PTPRC: variants seen among roughly 807,000 people sequenced by gnomAD.
PTPRC encodes receptor-type tyrosine-protein phosphatase C.
A neutral mutation model predicts 155.9 loss-of-function variants in PTPRC; 44 were observed. The observed-to-expected ratio is 0.28, with a 90% CI of 0.22 to 0.36. The LOEUF is 0.36. PTPRC is among the 10% of genes least tolerant of loss of function. The pLI is 1.00. For missense variants in PTPRC, 1,401 were observed against 1,564.6 expected, an observed-to-expected ratio of 0.90 and a Z score of 1.76; for synonymous variants, 525 against 533.1, an observed-to-expected ratio of 0.98 and a Z score of 0.21.
At chr1:198,719,179 C>T (rs1160733138) in intron 14 of PTPRC, among the ~76,000 whole-genome samples, 1 of 151,962 alleles carries the variant, frequency 6.6e-6, no homozygotes, top group African/African-American at 2.4e-5. Context: ...CCAAATTGCC[C>T]TGGTGTATCA....
chr1:198,696,186 A>ATG lies in PTPRC; in HGVS notation c.101-526_101-525insTG, dbSNP rs1553237277. Among the ~76,000 whole-genome samples the ATG allele has an allele frequency of 1.4e-3, 209 of 150,134 alleles. 5 individuals carry two copies. The East Asian group carries it at 0.037, about 27-fold the overall frequency. ...AAAGAAAATATATATATATATATAT[A>ATG]GATAGATATTTTTTCATGGATATAT... On this transcript the variant is annotated intron_variant, in intron 3 of 32. Coordinates refer to ENST00000442510, the MANE Select transcript of PTPRC (RefSeq NM_002838.5).
At chr1:198,699,002 G>A (rs745980445) in intron 4 of PTPRC, among the ~76,000 whole-genome samples, 121 of 152,166 alleles carry the variant, frequency 8.0e-4, no homozygotes, top group Middle Eastern at 3.4e-3. Context: ...TCAAACACTA[G>A]ATATTATCAA....
chr1:198,684,788 T>G (rs1665528778), intron 2 of PTPRC, among the ~76,000 whole-genome samples: 1 of 152,012 alleles, frequency 6.6e-6, no homozygotes, highest in Admixed American at 6.6e-5. Context: ...TTTCTGAAAA[T>G]ATGAATTGTA....
intron 2 of PTPRC, among the ~76,000 whole-genome samples, chr1:198,689,540 A>G (rs576739290): frequency 1.3e-5 from 2 of 152,218 alleles, no homozygotes; most frequent in African/African-American, 4.8e-5. Flanking sequence ...TCTGTCATCA[A>G]ATTTGCTTTC....
In PTPRC at chr1:198,748,192, C is replaced by T. The variant is rs755145524; in HGVS notation, c.2931C>T (p.Val977=). 1.0e-5 allele frequency: 16 copies of T among 1,602,534 alleles called. No homozygotes were observed. The East Asian group carries it at 3.4e-4, about 34-fold the overall frequency. The change falls in exon 27 of 33, where the codon GTC becomes GTT. Residue 977 remains valine, a synonymous_variant. Coordinates refer to ENST00000442510, the MANE Select transcript of PTPRC (RefSeq NM_002838.5). ...ENKSKNRNSN[V]IPYDYNRVPL... ...AAAGTAAAAACAGGAATTCTAATGT[C>T]ATCCCATGTATGTAGTTTATTTTTT... is the stretch of plus-strand genomic sequence containing the variant.
At chr1:198,749,065 C>G (rs936151562) in intron 27 of PTPRC, among the ~76,000 whole-genome samples, 25 of 151,606 alleles carry the variant, frequency 1.6e-4, no homozygotes, top group African/African-American at 4.6e-4. Context: ...GGGAAAAAAT[C>G]TACGCTATGT....
intron 23 of PTPRC, among the ~76,000 whole-genome samples, chr1:198,737,825 T>C (rs1258154939): frequency 6.6e-6 from 1 of 151,786 alleles, no homozygotes; most frequent in Non-Finnish European, 1.5e-5. Flanking sequence ...TATGTCCTCT[T>C]CAATTTCTTG....
chr1:198,703,285 C>A lies in PTPRC; in HGVS notation c.584-13C>A, dbSNP rs757018694. 8 of 1,612,490 alleles carry A rather than the reference C, an allele frequency of 5.0e-6. No individual in the cohort carries two copies. The East Asian group carries it at 1.8e-4, about 36-fold the overall frequency. On this transcript the variant is annotated splice_polypyrimidine_tract_variant and intron_variant, in intron 6 of 32. Transcript: ENST00000442510. The stretch of plus-strand genomic sequence containing the variant: ...ATTAATTAGCTTTTATTCTTCTATT[C>A]ATTTTCTTGCAGATGCCTACCTTAA...
intron 2 of PTPRC, among the ~76,000 whole-genome samples, chr1:198,679,396 ATTTTTTTT>A (rs34684883): frequency 3.6e-5 from 4 of 109,962 alleles, no homozygotes; most frequent in African/African-American, 7.2e-5. Flanking sequence ...ACGCCCAGCT[ATTTTTTTT>A]TTTTTTTTTT....
intron 3 of PTPRC, among the ~76,000 whole-genome samples, chr1:198,696,124 C>T (rs1020560321): frequency 1.3e-5 from 2 of 151,568 alleles, no homozygotes; most frequent in Non-Finnish European, 2.9e-5. Flanking sequence ...CGTGCCACTG[C>T]ACTCCAGCCT....
chr1:198,704,387 A>G (rs1476938210), intron 7 of PTPRC, 85 bp from the exon 8 acceptor site: 1 of 1,596,900 alleles, frequency 6.3e-7, no homozygotes, highest in African/African-American at 1.3e-5. Flanking sequence ...AAGTAGAAGT[A>G]TTGTAAATCA....
At chr1:198,654,625 T>A (rs1663445107) in intron 2 of PTPRC, among the ~76,000 whole-genome samples, 1 of 151,784 alleles carries the variant, frequency 6.6e-6, no homozygotes, top group African/African-American at 2.4e-5. Flanking sequence ...CTCCCTCCCC[T>A]TAAATATATT....
At chr1:198,684,675 A>G (rs1471124764) in intron 2 of PTPRC, among the ~76,000 whole-genome samples, 1 of 151,728 alleles carries the variant, frequency 6.6e-6, no homozygotes, top group Non-Finnish European at 1.5e-5. Context: ...CTTTAAAACA[A>G]AAAAAAAGAT....
At chr1:198,730,350 C>T (rs1053933885) in intron 17 of PTPRC, among the ~76,000 whole-genome samples, 14 of 152,054 alleles carry the variant, frequency 9.2e-5, no homozygotes, top group African/African-American at 3.4e-4. Context: ...CTATCTGATC[C>T]CTTATTACAT....
At chr1:198,649,846 CA>C (rs1663146414) in intron 2 of PTPRC, among the ~76,000 whole-genome samples, 1 of 151,772 alleles carries the variant, frequency 6.6e-6, no homozygotes, top group African/African-American at 2.4e-5. Context: ...AACAAGAAAA[CA>C]AACAACAAAT....
chr1:198,665,128 C>T (rs1039150612), intron 2 of PTPRC, among the ~76,000 whole-genome samples: 6 of 126,864 alleles, frequency 4.7e-5, no homozygotes, highest in Admixed American at 9.6e-5. Context: ...CTCGCTCTGT[C>T]GCCCAGGCTG....
intron 2 of PTPRC, among the ~76,000 whole-genome samples, chr1:198,665,541 G>C (rs2102272362): frequency 6.6e-6 from 1 of 152,222 alleles, no homozygotes; most frequent in Non-Finnish European, 1.5e-5. Flanking sequence ...GTTTTGCAAT[G>C]GCAGGTCCCC....
intron 2 of PTPRC, among the ~76,000 whole-genome samples, chr1:198,659,883 A>C (rs1275555805): frequency 2.0e-5 from 3 of 151,748 alleles, no homozygotes; most frequent in African/African-American, 7.3e-5. Context: ...TAGTTGTTTT[A>C]GTTTTCAAAG....
At chr1:198,650,832 TAGTG>T (rs927225735) in intron 2 of PTPRC, among the ~76,000 whole-genome samples, 1 of 151,756 alleles carries the variant, frequency 6.6e-6, no homozygotes, top group Non-Finnish European at 1.5e-5. Flanking sequence ...TAGGAAAAGA[TAGTG>T]AGAAGAGGTA....
Sources: allele counts gnomAD v4.1 joint callset (sites outside exome capture counted in the v4.1 genomes callset), GRCh38; gene constraint gnomAD v4.1.1; transcripts MANE v1.5; gene names NCBI Gene and HGNC (gene_info 2026-07-23, HGNC 2026-07-21).